YAE1: variants seen among roughly 807,000 people sequenced by gnomAD.
YAE1 encodes YAE1 maturation factor of ABCE1.
A neutral mutation model predicts 23.0 loss-of-function variants in YAE1; 22 were observed. The observed-to-expected ratio is 0.96, with a 90% CI of 0.68 to 1.37. YAE1 has a LOEUF of 1.37. Among genes scored for constraint, YAE1 ranks in the 40% most tolerant of loss-of-function variants. The pLI is 0.00. For synonymous variants in YAE1, 101 were observed against 97.0 expected, an observed-to-expected ratio of 1.04 and a Z score of -0.24; for missense variants, 260 against 262.1, an observed-to-expected ratio of 0.99 and a Z score of 0.06.
At chr7:39,566,680 G>C (rs1790474386) in intron 1 of YAE1, 133 bp downstream of exon 1, 1 of 1,250,628 alleles carries the variant, frequency 8.0e-7, no homozygotes, top group African/African-American at 1.5e-5. Flanking sequence ...GGTCCGACCC[G>C]CGTCTTGCTA....
At chr7:39,601,701 G>A (rs2329459) in intron 2 of YAE1, among the ~76,000 whole-genome samples, 4 of 149,958 alleles carry the variant, frequency 2.7e-5, no homozygotes. Context: ...AGAGGTTTCA[G>A]TGAGCCGAGA....
rs759421870 is a variant in YAE1, at chr7:39,572,279, C to T, written c.254C>T (p.Ala85Val). The T allele has an allele frequency of 8.1e-6, 13 of 1,607,084 alleles. No individual in the cohort carries two copies. The highest frequency in any genetic ancestry group is 1.1e-5 in the Non-Finnish European group (13 of 1,176,154). ...NYGRLRGTLS[A>V]LLSWCHLHNN... is the part of the protein sequence containing the mutation. ...CCCTTGTTTATACTTTTGTTCAGTGCTTTGCTCTCCTGGTGTCACCTTCAT... is the reference window on the plus strand; with the variant it reads ...CCCTTGTTTATACTTTTGTTCAGTGTTTTGCTCTCCTGGTGTCACCTTCAT... The change falls in exon 3 of 3, where the codon GCT (alanine) becomes GTT (valine). Residue 85 changes from alanine to valine, a missense_variant and splice_region_variant. Ala to Val is a moderately conservative substitution (Grantham distance 64). Coordinates refer to ENST00000223273, the MANE Select transcript of YAE1 (RefSeq NM_020192.5).
At chr7:39,592,135 A>C (rs760594480) in intron 2 of YAE1, among the ~76,000 whole-genome samples, 1 of 152,240 alleles carries the variant, frequency 6.6e-6, no homozygotes, top group Non-Finnish European at 1.5e-5. Context: ...GTAAAGCTGC[A>C]ATAAACATCT....
chr7:39,575,179 G>T (rs532709871), downstream of YAE1, among the ~76,000 whole-genome samples: 40 of 152,340 alleles, frequency 2.6e-4, no homozygotes, highest in African/African-American at 9.1e-4. Flanking sequence ...CCAGACATTA[G>T]ACTGAGTGGT....
At chr7:39,569,977 T>G (rs1790539162) in intron 1 of YAE1, 5 of 1,348,560 alleles carry the variant, frequency 3.7e-6, no homozygotes, top group Non-Finnish European at 4.2e-6. Flanking sequence ...ACCTCAGATC[T>G]TCTCCCCATT....
chr7:39,588,238 G>A (rs576866700), intron 2 of YAE1, among the ~76,000 whole-genome samples: 10 of 152,348 alleles, frequency 6.6e-5, no homozygotes, highest in East Asian at 1.9e-4. Flanking sequence ...TGGGCCGGAC[G>A]TGGTGGCTCA....
downstream of YAE1, among the ~76,000 whole-genome samples, chr7:39,577,721 C>T (rs141361776): frequency 1.1e-3 from 174 of 152,344 alleles, no homozygotes; most frequent in East Asian, 0.019. Context: ...GCCTCCCCAA[C>T]GAGCACCACC....
intron 2 of YAE1, among the ~76,000 whole-genome samples, chr7:39,607,110 G>A (rs7777173): frequency 0.9 from 136,458 of 152,180 alleles, 61,448 homozygotes; most frequent in East Asian, 1. Context: ...CTTTTCTGTT[G>A]TCTTCTTCAT....
intron 2 of YAE1, among the ~76,000 whole-genome samples, chr7:39,609,177 C>T (rs1791169892): frequency 6.6e-6 from 1 of 152,166 alleles, no homozygotes; most frequent in East Asian, 1.9e-4. Flanking sequence ...GGAAGAATAA[C>T]CAGGCCAGTG....
intron 2 of YAE1, among the ~76,000 whole-genome samples, chr7:39,578,712 C>A (rs1323528954): frequency 1.3e-5 from 2 of 152,140 alleles, no homozygotes; most frequent in Non-Finnish European, 2.9e-5. Flanking sequence ...AAGGAACAAC[C>A]TCCGGACACA....
chr7:39,573,947 G>A (rs764586707), downstream of YAE1, among the ~76,000 whole-genome samples: 8 of 152,200 alleles, frequency 5.3e-5, no homozygotes, highest in Non-Finnish European at 1.2e-4. Context: ...AGTTTGTCTT[G>A]TTAATATATG....
intron 2 of YAE1, among the ~76,000 whole-genome samples, chr7:39,593,709 C>G (rs552129918): frequency 1.3e-5 from 2 of 152,194 alleles, no homozygotes; most frequent in African/African-American, 4.8e-5. Flanking sequence ...CTGCCCACCC[C>G]AGCCGCCCAA....
intron 2 of YAE1, among the ~76,000 whole-genome samples, chr7:39,597,407 T>A (rs1314141769): frequency 6.6e-6 from 1 of 151,918 alleles, no homozygotes; most frequent in Non-Finnish European, 1.5e-5. Flanking sequence ...CCATCTCTAT[T>A]AAAAAAAAAT....
intron 2 of YAE1, among the ~76,000 whole-genome samples, chr7:39,587,483 G>GT (rs1487737127): frequency 6.6e-6 from 1 of 152,170 alleles, no homozygotes; most frequent in South Asian, 2.1e-4. Flanking sequence ...TTTAGGTACA[G>GT]TTTAATATAC....
At chr7:39,606,046 AT>A (rs200478681) in intron 2 of YAE1, among the ~76,000 whole-genome samples, 4,242 of 146,418 alleles carry the variant, frequency 0.029, 107 homozygotes, top group East Asian at 0.12. Flanking sequence ...ATGGTAAACA[AT>A]TTTTTTTTTT....
chr7:39,598,247 T>C (rs951444259), intron 2 of YAE1, among the ~76,000 whole-genome samples: 3 of 151,938 alleles, frequency 2.0e-5, no homozygotes, highest in Non-Finnish European at 4.4e-5. Flanking sequence ...GTAGCTGGAA[T>C]TACATGTGCA....
At chr7:39,600,854 T>A (rs1468900264) in intron 2 of YAE1, among the ~76,000 whole-genome samples, 1 of 152,198 alleles carries the variant, frequency 6.6e-6, no homozygotes, top group African/African-American at 2.4e-5. Context: ...TGAAGCAAAT[T>A]CTTTCTCACA....
intron 2 of YAE1, among the ~76,000 whole-genome samples, chr7:39,593,095 A>T (rs939140859): frequency 6.6e-6 from 1 of 150,482 alleles, no homozygotes; most frequent in African/African-American, 2.4e-5. Flanking sequence ...TTTTATCTCC[A>T]ATCTACAGTT....
intron 2 of YAE1, among the ~76,000 whole-genome samples, chr7:39,577,891 A>G (rs1340234322): frequency 6.6e-6 from 1 of 152,170 alleles, no homozygotes; most frequent in Non-Finnish European, 1.5e-5. Context: ...GAGAACCTTT[A>G]TGTCTAGCTA....
Sources: gnomAD v4.1 joint callset for allele counts (sites outside exome capture counted in the v4.1 genomes callset) on GRCh38, gnomAD v4.1.1 for gene constraint, MANE v1.5 for transcripts, NCBI Gene and HGNC (gene_info 2026-07-23, HGNC 2026-07-21) for gene names.